Variants in DMBX1 observed in about 807,000 individuals in gnomAD.
The protein encoded by DMBX1 is diencephalon/mesencephalon homeobox 1.
A neutral mutation model predicts 30.4 loss-of-function variants in DMBX1; 7 were observed. The ratio of observed to expected loss-of-function variants is 0.23; its 90% CI spans 0.13 to 0.43. The LOEUF (loss-of-function observed/expected upper bound fraction) is 0.43, where lower values mean the gene tolerates loss of function less well. Among genes scored for constraint, DMBX1 ranks in the 20% least tolerant of loss-of-function variants. The probability of loss-of-function intolerance (pLI) is 1.00; values close to 1 mark genes in which losing one functional copy is unlikely to be tolerated. For synonymous variants in DMBX1, 222 were observed against 214.2 expected, an observed-to-expected ratio of 1.04 and a Z score of -0.32; for missense variants, 460 against 508.5, an observed-to-expected ratio of 0.90 and a Z score of 0.92.
intron 2 of DMBX1, among the ~76,000 whole-genome samples, chr1:46,492,701 C>T (rs956753885): frequency 3.3e-5 from 5 of 150,050 alleles, no homozygotes; most frequent in Admixed American, 6.6e-5. Context: ...CTGACAGGCA[C>T]GCAGAGTGGG....
intron 2 of DMBX1, among the ~76,000 whole-genome samples, chr1:46,492,251 C>A (rs1183333429): frequency 1.3e-5 from 2 of 152,242 alleles, no homozygotes; most frequent in East Asian, 3.8e-4. Context: ...GGGTGAGTGT[C>A]TGGAGGATCC....
Position 46,514,826 on chromosome 1 carries a change from G to C in DMBX1, c.*2332G>C, listed in dbSNP as rs1271549087. 1.3e-5 allele frequency among the ~76,000 whole-genome samples: 2 copies of C among 152,162 alleles called. No homozygotes were observed. Among genetic ancestry groups the C allele is most frequent in the Non-Finnish European group, 2.9e-5 (2 of 68,030 alleles). On this transcript the variant is annotated 3_prime_UTR_variant, in exon 6 of 6. Transcript: ENST00000360032. ...GAAGTCAATGCCCATCACCCTTGAT[G>C]GGGGTCAGCCTAGGCTGGGGCAGAT...
chr1:46,506,790 G>A (rs1666243369), intron 2 of DMBX1, among the ~76,000 whole-genome samples: 1 of 152,212 alleles, frequency 6.6e-6, no homozygotes, highest in African/African-American at 2.4e-5. Flanking sequence ...TGGCCCTGCC[G>A]AGTGAATCGA....
chr1:46,497,286 G>A (rs2148482441), intron 2 of DMBX1, among the ~76,000 whole-genome samples: 1 of 152,282 alleles, frequency 6.6e-6, no homozygotes, highest in African/African-American at 2.4e-5. Flanking sequence ...TTTATTAGGT[G>A]ATATACCTAG....
rs1358384198 is a variant in DMBX1 at position 46,510,463 on chromosome 1, T to C, written c.155-13T>C. On this transcript the variant is annotated splice_polypyrimidine_tract_variant and intron_variant, in intron 3 of 5. Coordinates refer to ENST00000360032, the MANE Select transcript of DMBX1 (RefSeq NM_172225.2). The surrounding 1 kb of genome is among the most constrained non-coding windows in gnomAD (Gnocchi z 4.1). ...CCCCCTCTCCTTGCCCTCCAACGGC[T>C]GTACATTTCAAGACATCATCTTGGA... 1.2e-5 allele frequency: 20 copies of C among 1,612,808 alleles called. No homozygotes were observed. The highest frequency in any genetic ancestry group is 1.6e-5 in the Non-Finnish European group (19 of 1,179,562).
intron 2 of DMBX1, among the ~76,000 whole-genome samples, chr1:46,492,963 A>G (rs1057117095): frequency 6.6e-6 from 1 of 150,900 alleles, no homozygotes; most frequent in East Asian, 2.0e-4. Context: ...GTGCGTCTAC[A>G]TTTTTGCTTG....
chr1:46,512,177 A>G lies in DMBX1; in HGVS notation c.817A>G (p.Asn273Asp), dbSNP rs1666389062. The change falls in exon 6 of 6, where the codon AAC becomes GAC. Residue 273 changes from asparagine (N) to aspartate (D), a missense_variant. By Grantham distance (23) the Asn-to-Asp change is conservative (BLOSUM62 1). Transcript: ENST00000360032. This position sits in a 1 kb window ranked among gnomAD's most constrained non-coding sequence, Gnocchi z 4.8. ...ATTCCGCCAGCACATGGCGGCCACC[A>G]ACAACCTGGTGCACTACTCGTCCTT... The part of the protein sequence containing the change: ...EQFRQHMAAT[N>D]NLVHYSSFEV... 1 of 1,613,872 alleles carries G rather than the reference A, an allele frequency of 6.2e-7. No individual in the cohort carries two copies. The highest frequency in any genetic ancestry group is 1.7e-5 in the Admixed American group (1 of 59,990).
At chr1:46,490,608 C>T (rs938364940) in intron 1 of DMBX1, among the ~76,000 whole-genome samples, 36 bp from the exon 2 acceptor site, 1 of 152,246 alleles carries the variant, frequency 6.6e-6, no homozygotes, top group Admixed American at 6.5e-5. Context: ...GTGCTCCGGG[C>T]ATTGCCCGGG....
intron 3 of DMBX1, among the ~76,000 whole-genome samples, chr1:46,508,354 A>G (rs1364509102): frequency 6.6e-6 from 1 of 152,124 alleles, no homozygotes; most frequent in Non-Finnish European, 1.5e-5. Flanking sequence ...AGGCCTCAAA[A>G]AGGCCAACAT....
At chr1:46,511,446 G>T (rs925676609) in intron 5 of DMBX1, among the ~76,000 whole-genome samples, 163 bp downstream of exon 5, 2 of 152,220 alleles carry the variant, frequency 1.3e-5, no homozygotes, top group Non-Finnish European at 2.9e-5. Flanking sequence ...TTGCAGAGCC[G>T]TGGGAAGGTC....
Position 46,514,686 on chromosome 1 carries a change from C to T in DMBX1, c.*2192C>T, listed in dbSNP as rs561346690. Among the ~76,000 whole-genome samples the T allele has an allele frequency of 9.8e-4, 149 of 152,298 alleles. No individual in the cohort carries two copies. The highest frequency in any genetic ancestry group is 3.6e-3 in the African/African-American group (148 of 41,562). On this transcript the variant is annotated 3_prime_UTR_variant, in exon 6 of 6. Coordinates refer to ENST00000360032, the MANE Select transcript of DMBX1 (RefSeq NM_172225.2). ...GGCTCACCACTGAACACTCCAAACC[C>T]TGCTTAAAGAAGTTGATCTATCTGA...
chr1:46,496,388 A>G (rs1021281777), intron 2 of DMBX1, among the ~76,000 whole-genome samples: 8 of 152,184 alleles, frequency 5.3e-5, no homozygotes, highest in Non-Finnish European at 1.0e-4. Flanking sequence ...CAGGGTACTT[A>G]CTGGGATGGG....
chr1:46,497,813 G>A (rs1197883270), intron 2 of DMBX1, among the ~76,000 whole-genome samples: 3 of 152,354 alleles, frequency 2.0e-5, no homozygotes, highest in Non-Finnish European at 4.4e-5. Flanking sequence ...CGGGAGATCC[G>A]CCGATCTGCT....
At position 46,510,384 on chromosome 1, in the gene DMBX1, C is replaced by T; in HGVS notation, c.155-92C>T. Reference sequence around the variant, plus strand: ...CAGCTCTGGCAGCAGCCTGGGTGTCCACAGTGGGTCAGAGCAGGATAAGAT... The same window carrying T: ...CAGCTCTGGCAGCAGCCTGGGTGTCTACAGTGGGTCAGAGCAGGATAAGAT... On this transcript the variant is annotated intron_variant, in intron 3 of 5. Transcript: ENST00000360032. The surrounding 1 kb of genome is among the most constrained non-coding windows in gnomAD (Gnocchi z 4.1). The T allele has an allele frequency of 6.8e-7, 1 of 1,460,682 alleles. No individual in the cohort carries two copies. Among genetic ancestry groups the T allele is most frequent in the Non-Finnish European group, 9.1e-7 (1 of 1,095,166 alleles). The allele number at this position is 1,460,682 out of a possible 1,614,324, so 90.5% of individuals were successfully genotyped here. A position where few individuals can be genotyped will look rare whatever the true frequency, so the allele number is the denominator to read the frequency against.
intron 5 of DMBX1, 62 bp from the exon 6 acceptor site, chr1:46,511,981 C>T: frequency 6.6e-7 from 1 of 1,510,792 alleles, no homozygotes; most frequent in South Asian, 1.2e-5. Flanking sequence ...GCTGAGTGCA[C>T]CTCTCCTGGC....
chr1:46,496,623 C>G (rs1351206469), intron 2 of DMBX1, among the ~76,000 whole-genome samples: 5 of 152,236 alleles, frequency 3.3e-5, no homozygotes, highest in Non-Finnish European at 7.3e-5. Context: ...TCTTGTTCAG[C>G]CAGCCCCACA....
chr1:46,490,068 G>C (rs1665901425), intron 1 of DMBX1, among the ~76,000 whole-genome samples, 191 bp downstream of exon 1: 1 of 152,358 alleles, frequency 6.6e-6, no homozygotes, highest in South Asian at 2.1e-4. Context: ...CAGGGACAGA[G>C]AAAGCGGAGG....
At chr1:46,509,067 ATTC>A (rs770920527) in intron 3 of DMBX1, among the ~76,000 whole-genome samples, 1 of 150,416 alleles carries the variant, frequency 6.6e-6, no homozygotes, top group Non-Finnish European at 1.5e-5. Context: ...GCCTCTTCCT[ATTC>A]TTTTTTTTTT....
At chr1:46,502,885 TA>T (rs1164711293) in intron 2 of DMBX1, among the ~76,000 whole-genome samples, 1 of 150,812 alleles carries the variant, frequency 6.6e-6, no homozygotes, top group East Asian at 1.9e-4. Flanking sequence ...GTCTCAGAAA[TA>T]AAAAAAACAA....
Sources: allele counts gnomAD v4.1 joint callset (sites outside exome capture counted in the v4.1 genomes callset), GRCh38; gene constraint gnomAD v4.1.1; non-coding constraint Gnocchi (gnomAD v3.1); transcripts MANE v1.5; gene names NCBI Gene and HGNC (gene_info 2026-07-23, HGNC 2026-07-21).